IRF2: variants seen among roughly 807,000 people sequenced by gnomAD.
IRF2 encodes interferon regulatory factor 2.
A neutral mutation model predicts 40.6 loss-of-function variants in IRF2; 15 were observed. That is an observed-to-expected ratio of 0.37 (90% CI 0.25 to 0.57). The LOEUF is 0.57. Among genes scored for constraint, IRF2 ranks in the 20% least tolerant of loss-of-function variants. The probability of loss-of-function intolerance (pLI) is 0.77; values close to 1 mark genes in which losing one functional copy is unlikely to be tolerated. For synonymous variants in IRF2, 151 were observed against 165.5 expected (o/e 0.91, Z 0.67); for missense variants, 317 against 455.7 (o/e 0.70, Z 2.77).
intron 1 of IRF2, among the ~76,000 whole-genome samples, chr4:184,452,770 C>CAAAAAAAAAAAAAAAAAAAA (rs530415114): frequency 2.6e-4 from 14 of 53,820 alleles, no homozygotes; most frequent in African/African-American, 1.0e-3. Flanking sequence ...GACCCTGTCT[C>CAAAAAAAAAAAAAAAAAAAA]AAAAAAAAAA....
intron 1 of IRF2, among the ~76,000 whole-genome samples, chr4:184,441,988 G>T (rs1170804526): frequency 6.6e-6 from 1 of 152,164 alleles, no homozygotes; most frequent in Admixed American, 6.5e-5. Context: ...AAGAGGTAGA[G>T]AGGGCCCCAC....
At position 184,408,939 on chromosome 4, in the gene IRF2, A is replaced by C. The variant is rs765316884; in HGVS notation, c.412-664T>G. On this transcript the variant is annotated intron_variant, in intron 5 of 8. Coordinates refer to ENST00000393593, the MANE Select transcript of IRF2 (RefSeq NM_002199.4). The surrounding 1 kb of genome is among the most constrained non-coding windows in gnomAD (Gnocchi z 4.9). The stretch of plus-strand genomic sequence containing the variant: ...CAGCCCAAGAATTCTGCACGTGCAC[A>C]CTAATGAAATAATGAGAACAAATTC... Among the ~76,000 whole-genome samples the C allele has an allele frequency of 2.0e-5, 3 of 152,186 alleles. No homozygotes were observed. Among genetic ancestry groups the C allele is most frequent in the Non-Finnish European group, 2.9e-5 (2 of 68,044 alleles).
chr4:184,425,608 G>C (rs1023224773), intron 2 of IRF2, among the ~76,000 whole-genome samples: 1 of 152,268 alleles, frequency 6.6e-6, no homozygotes, highest in Non-Finnish European at 1.5e-5. Flanking sequence ...TAGCGGAGGA[G>C]CCCTGTGAGA....
At chr4:184,397,016 T>C (rs2149892470) in intron 7 of IRF2, among the ~76,000 whole-genome samples, 1 of 152,216 alleles carries the variant, frequency 6.6e-6, no homozygotes, top group South Asian at 2.1e-4. Context: ...GCACAATAAA[T>C]TTGCAAAACA....
chr4:184,393,560 G>A (rs1736335711), intron 7 of IRF2, among the ~76,000 whole-genome samples: 1 of 152,226 alleles, frequency 6.6e-6, no homozygotes, highest in Non-Finnish European at 1.5e-5. Flanking sequence ...GCCCATGAAT[G>A]TGACCGGGAT....
chr4:184,440,514 G>A (rs934138304), intron 1 of IRF2, among the ~76,000 whole-genome samples: 4 of 152,202 alleles, frequency 2.6e-5, no homozygotes, highest in Admixed American at 6.5e-5. Flanking sequence ...CACTACAAAC[G>A]GGCCTTCATG....
intron 5 of IRF2, among the ~76,000 whole-genome samples, chr4:184,416,065 T>A (rs1275512262): frequency 6.6e-6 from 1 of 152,096 alleles, no homozygotes; most frequent in African/African-American, 2.4e-5. Context: ...AATTCCAACA[T>A]TTTGGGAAGC....
chr4:184,400,994 G>T (rs768201052), intron 6 of IRF2, among the ~76,000 whole-genome samples: 4 of 152,206 alleles, frequency 2.6e-5, no homozygotes, highest in Admixed American at 6.5e-5. Flanking sequence ...AACCCATAAG[G>T]ATGACAGAGA....
chr4:184,453,707 C>T (rs1738812397), intron 1 of IRF2, among the ~76,000 whole-genome samples: 1 of 152,196 alleles, frequency 6.6e-6, no homozygotes. Context: ...AAAGGGTAGA[C>T]ATCAGAGTGG....
chr4:184,434,121 G>A (rs1302686965), intron 1 of IRF2, among the ~76,000 whole-genome samples: 1 of 152,206 alleles, frequency 6.6e-6, no homozygotes, highest in East Asian at 1.9e-4. Context: ...CTTTCTGTAA[G>A]GCAAGCCTCC....
chr4:184,444,386 C>A (rs890195), intron 1 of IRF2, among the ~76,000 whole-genome samples: 7,002 of 152,184 alleles, frequency 0.046, 563 homozygotes, highest in African/African-American at 0.16. Context: ...AGGAACCAAA[C>A]GCAGAAGGTA....
intron 1 of IRF2, among the ~76,000 whole-genome samples, chr4:184,473,487 C>A (rs1206523382): frequency 6.8e-6 from 1 of 147,628 alleles, no homozygotes; most frequent in Non-Finnish European, 1.5e-5. Context: ...GAGCCCCTGG[C>A]GCGCTGGGAC....
At chr4:184,465,841 A>T (rs1362378533) in intron 1 of IRF2, among the ~76,000 whole-genome samples, 1 of 152,164 alleles carries the variant, frequency 6.6e-6, no homozygotes, top group East Asian at 1.9e-4. Context: ...TGGTTACTTC[A>T]CGTAAGTAGG....
chr4:184,421,732 T>TACAC (rs147172543), intron 2 of IRF2, among the ~76,000 whole-genome samples: 1,987 of 151,842 alleles, frequency 0.013, 51 homozygotes, highest in African/African-American at 0.045. Flanking sequence ...TGCATACACA[T>TACAC]ACACACACAC....
At chr4:184,419,119 G>T (rs1198378939) in intron 3 of IRF2, among the ~76,000 whole-genome samples, 1 of 152,168 alleles carries the variant, frequency 6.6e-6, no homozygotes, top group African/African-American at 2.4e-5. Flanking sequence ...CCTACGTAAA[G>T]GTTGTAATAA....
In IRF2 at chr4:184,403,337, C is replaced by T. The variant is rs534332586; in HGVS notation, c.530-4258G>A. Among the ~76,000 whole-genome samples, 20 of 152,306 alleles carry T rather than the reference C, an allele frequency of 1.3e-4. No homozygotes were observed. The South Asian group carries it at 3.5e-3, about 27-fold the overall frequency. On this transcript the variant is annotated intron_variant, in intron 6 of 8. Transcript: ENST00000393593. ...CACCAAGCGGCAAAACAGACAGCAACACTGACTCCTGACAGGTGAAAAGAC... is the reference window on the plus strand; with the variant it reads ...CACCAAGCGGCAAAACAGACAGCAATACTGACTCCTGACAGGTGAAAAGAC...
intron 2 of IRF2, among the ~76,000 whole-genome samples, chr4:184,422,016 A>G (rs1281714676): frequency 6.6e-6 from 1 of 152,190 alleles, no homozygotes; most frequent in Non-Finnish European, 1.5e-5. Flanking sequence ...CTCTCACTCC[A>G]TTAGCTCCGG....
Position 184,454,133 on chromosome 4 carries a change from G to A in IRF2, c.-7+20246C>T, listed in dbSNP as rs569778773. On this transcript the variant is annotated intron_variant, in intron 1 of 8. Coordinates refer to ENST00000393593, the MANE Select transcript of IRF2 (RefSeq NM_002199.4). ...AAGGGCACTATCTTTTCCCCTGGAT[G>A]AGAGTAAATGATTTCCTCCCACACT... is the stretch of plus-strand genomic sequence containing the variant. Among the ~76,000 whole-genome samples, 12 of 152,306 alleles carry A rather than the reference G, an allele frequency of 7.9e-5. No individual in the cohort carries two copies. The East Asian group carries it at 2.3e-3, about 29-fold the overall frequency.
chr4:184,412,826 G>A (rs1273320187), intron 5 of IRF2, among the ~76,000 whole-genome samples: 1 of 152,224 alleles, frequency 6.6e-6, no homozygotes, highest in East Asian at 1.9e-4. Flanking sequence ...TTCTCTGCGG[G>A]CCTTTGTCTG....
Sources: gnomAD v4.1 joint callset for allele counts (sites outside exome capture counted in the v4.1 genomes callset) on GRCh38, gnomAD v4.1.1 for gene constraint, Gnocchi (gnomAD v3.1) non-coding constraint, MANE v1.5 for transcripts, NCBI Gene and HGNC (gene_info 2026-07-23, HGNC 2026-07-21) for gene names.